CMTM7: variants seen among roughly 807,000 people sequenced by gnomAD.
The protein encoded by CMTM7 is CKLF-like MARVEL transmembrane domain-containing protein 7.
In CMTM7, 7 loss-of-function variants were observed where a neutral mutation model predicts 19.3. That is an observed-to-expected ratio of 0.36 (90% CI 0.21 to 0.68). The LOEUF is 0.68. Ranked by LOEUF, CMTM7 falls within the 30% of genes least tolerant of loss-of-function variation. CMTM7 has a pLI of 0.60. For synonymous variants in CMTM7, 87 were observed against 99.3 expected (o/e 0.88, Z 0.74); for missense variants, 193 against 232.6 (o/e 0.83, Z 1.11).
intron 1 of CMTM7, among the ~76,000 whole-genome samples, chr3:32,440,708 G>A (rs999240917): frequency 5.3e-5 from 8 of 152,210 alleles, no homozygotes; most frequent in African/African-American, 1.9e-4. Context: ...AGCCCAGGAA[G>A]CAGAGGTTGC....
At chr3:32,413,896 C>T (rs1285912227) in intron 1 of CMTM7, among the ~76,000 whole-genome samples, 3 of 152,128 alleles carry the variant, frequency 2.0e-5, no homozygotes, top group African/African-American at 7.2e-5. Flanking sequence ...CCTGCTGAGT[C>T]CCTCCCCACA....
chr3:32,400,592 C>T (rs572363425), intron 1 of CMTM7, among the ~76,000 whole-genome samples: 5 of 151,650 alleles, frequency 3.3e-5, no homozygotes, highest in South Asian at 4.2e-4. Flanking sequence ...GGGGTTTCAC[C>T]GTGTTAGCCA....
At chr3:32,448,884 C>G (rs1696790096) in intron 2 of CMTM7, among the ~76,000 whole-genome samples, 1 of 151,948 alleles carries the variant, frequency 6.6e-6, no homozygotes, top group South Asian at 2.1e-4. Flanking sequence ...ATTCTAGAGT[C>G]TGAGTCTGAC....
intron 2 of CMTM7, 67 bp downstream of exon 2, chr3:32,442,080 C>G (rs111283831): frequency 6.9e-7 from 1 of 1,452,104 alleles, no homozygotes; most frequent in African/African-American, 1.4e-5. Context: ...GTACTGAGAC[C>G]TGACAGAGTT....
At chr3:32,445,221 G>T (rs1469782527) in intron 2 of CMTM7, among the ~76,000 whole-genome samples, 1 of 152,124 alleles carries the variant, frequency 6.6e-6, no homozygotes, top group African/African-American at 2.4e-5. Context: ...CTTATTGCAA[G>T]AAATTAGTTG....
chr3:32,406,279 TTTTGTTATCTAGCC>T (rs1331026442), intron 1 of CMTM7, among the ~76,000 whole-genome samples: 1 of 152,218 alleles, frequency 6.6e-6, no homozygotes, highest in East Asian at 1.9e-4. Flanking sequence ...TATTTCTCCC[TTTTGTTATCTAGCC>T]GTGCTGTAAT....
At chr3:32,453,892 A>G (rs1289644359) in intron 4 of CMTM7, among the ~76,000 whole-genome samples, 1 of 152,226 alleles carries the variant, frequency 6.6e-6, no homozygotes, top group South Asian at 2.1e-4. Context: ...GGAAAAGAGA[A>G]GTTAATAGGT....
At chr3:32,452,027 C>G in intron 3 of CMTM7, 2 of 1,260,518 alleles carry the variant, frequency 1.6e-6, no homozygotes, top group East Asian at 5.1e-5. Context: ...TTTTTTAACC[C>G]AAATTAAAAT....
intron 1 of CMTM7, among the ~76,000 whole-genome samples, chr3:32,427,629 G>A (rs759979060): frequency 4.6e-5 from 7 of 152,210 alleles, no homozygotes; most frequent in Non-Finnish European, 1.0e-4. Context: ...AGGAGGCCAT[G>A]GGCTGCCATA....
chr3:32,444,088 T>C (rs1302571671), intron 2 of CMTM7, among the ~76,000 whole-genome samples: 7 of 152,210 alleles, frequency 4.6e-5, no homozygotes, highest in Admixed American at 3.9e-4. Flanking sequence ...TTTTTTTTCT[T>C]TTTTAGCTCA....
At chr3:32,447,040 A>T (rs1696763790) in intron 2 of CMTM7, among the ~76,000 whole-genome samples, 1 of 152,134 alleles carries the variant, frequency 6.6e-6, no homozygotes, top group South Asian at 2.1e-4. Flanking sequence ...TTCTCCTTTA[A>T]TATTGGCATT....
At chr3:32,425,919 G>A (rs1206214380) in intron 1 of CMTM7, among the ~76,000 whole-genome samples, 1 of 152,188 alleles carries the variant, frequency 6.6e-6, no homozygotes, top group East Asian at 1.9e-4. Flanking sequence ...GCCGAGGTGG[G>A]CGGATCACCT....
chr3:32,449,210 C>T lies in CMTM7; in HGVS notation c.334-244C>T, dbSNP rs1330586632. 6.6e-6 allele frequency among the ~76,000 whole-genome samples: 1 copy of T among 152,184 alleles called. No homozygotes were observed. Among genetic ancestry groups the T allele is most frequent in the Non-Finnish European group, 1.5e-5 (1 of 68,024 alleles). On this transcript the variant is annotated intron_variant, in intron 2 of 4. Coordinates refer to ENST00000334983, the MANE Select transcript of CMTM7 (RefSeq NM_138410.4). This position sits in a 1 kb window ranked among gnomAD's most constrained non-coding sequence, Gnocchi z 4.5. Reference sequence around the variant, plus strand: ...TATCTCTGCTCACACCAGAAGCTTCCTTTCTCTCTGTCCTCTTCCCTTCCT... The same window carrying T: ...TATCTCTGCTCACACCAGAAGCTTCTTTTCTCTCTGTCCTCTTCCCTTCCT...
intron 1 of CMTM7, among the ~76,000 whole-genome samples, chr3:32,407,836 C>T (rs757964986): frequency 2.0e-5 from 3 of 152,174 alleles, no homozygotes; most frequent in Non-Finnish European, 2.9e-5. Flanking sequence ...GATGTGATCA[C>T]TACTGTAACT....
intron 2 of CMTM7, among the ~76,000 whole-genome samples, chr3:32,444,916 T>C (rs556162424): frequency 4.6e-5 from 7 of 152,272 alleles, no homozygotes; most frequent in African/African-American, 1.4e-4. Flanking sequence ...GTGCCTGGCC[T>C]GAACTTTTTA....
chr3:32,410,435 A>G (rs115033741), intron 1 of CMTM7, among the ~76,000 whole-genome samples: 2,250 of 152,356 alleles, frequency 0.015, 22 homozygotes, highest in Non-Finnish European at 0.024. Context: ...AAGAGTCAGC[A>G]TGGATGAAGT....
At chr3:32,430,493 A>T (rs1696499812) in intron 1 of CMTM7, among the ~76,000 whole-genome samples, 1 of 152,130 alleles carries the variant, frequency 6.6e-6, no homozygotes, top group Non-Finnish European at 1.5e-5. Context: ...TGACTTATTG[A>T]CATCCTACTA....
chr3:32,449,653 C>A lies in CMTM7; in HGVS notation c.432+101C>A. On this transcript the variant is annotated intron_variant, in intron 3 of 4. Transcript: ENST00000334983. The surrounding 1 kb of genome is among the most constrained non-coding windows in gnomAD (Gnocchi z 4.5). ...AAGGGCTTGGTTTCTGGGGCATTCC[C>A]TTCATAGAATCAATACCTACCTTGA... The A allele has an allele frequency of 2.2e-6, 2 of 909,140 alleles. No individual in the cohort carries two copies. The highest frequency in any genetic ancestry group is 1.3e-5 in the South Asian group (1 of 74,884). The allele number at this position is 909,140 out of a possible 1,614,324, so 56.3% of individuals were successfully genotyped here.
chr3:32,435,318 G>C (rs1696581973), intron 1 of CMTM7, among the ~76,000 whole-genome samples: 1 of 152,198 alleles, frequency 6.6e-6, no homozygotes, highest in Non-Finnish European at 1.5e-5. Flanking sequence ...GCAGGAGAAT[G>C]GTGTGAACCC....
Sources: gnomAD v4.1 joint callset for allele counts (sites outside exome capture counted in the v4.1 genomes callset) on GRCh38, gnomAD v4.1.1 for gene constraint, Gnocchi (gnomAD v3.1) non-coding constraint, MANE v1.5 for transcripts, NCBI Gene and HGNC (gene_info 2026-07-23, HGNC 2026-07-21) for gene names.